ITGA9: variants seen among roughly 807,000 people sequenced by gnomAD.
The protein encoded by ITGA9 is integrin alpha-9.
In ITGA9, 56 loss-of-function variants were observed where a neutral mutation model predicts 127.8. The observed-to-expected ratio is 0.44, with a 90% CI of 0.35 to 0.55. ITGA9 has a LOEUF of 0.55. ITGA9 is among the 20% of genes least tolerant of loss of function. ITGA9 has a pLI of 0.00. For missense variants in ITGA9, 1,196 were observed against 1,347.1 expected (o/e 0.89, Z 1.76); for synonymous variants, 508 against 514.5 (o/e 0.99, Z 0.17).
chr3:37,692,455 TA>T (rs969394999), intron 18 of ITGA9, among the ~76,000 whole-genome samples: 30 of 147,850 alleles, frequency 2.0e-4, no homozygotes, highest in Non-Finnish European at 3.7e-4. Flanking sequence ...CTACATACTG[TA>T]AAAAAAAATA....
At chr3:37,779,840 ATTG>A in intron 24 of ITGA9, 59 bp from the exon 25 acceptor site, 1 of 1,575,028 alleles carries the variant, frequency 6.3e-7, no homozygotes, top group South Asian at 1.1e-5. Context: ...TACTCTGTAA[ATTG>A]TTGTGGATTT....
chr3:37,499,180 A>G lies in ITGA9; in HGVS notation c.613-3998A>G, dbSNP rs535637990. On this transcript the variant is annotated intron_variant, in intron 5 of 27. Coordinates refer to ENST00000264741, the MANE Select transcript of ITGA9 (RefSeq NM_002207.3). ...TTATTTATTTTTGTAGATGAGGCTA[A>G]CAGAGGTAGTAGATACTGCTTAGCA... 3.9e-5 allele frequency among the ~76,000 whole-genome samples: 6 copies of G among 152,372 alleles called. No individual in the cohort carries two copies. In the South Asian group the frequency reaches 1.2e-3, roughly 32 times the overall value.
chr3:37,454,488 A>C (rs1461486818), intron 1 of ITGA9, among the ~76,000 whole-genome samples: 1 of 152,166 alleles, frequency 6.6e-6, no homozygotes, highest in Non-Finnish European at 1.5e-5. Flanking sequence ...AATGCTGTGC[A>C]TATTCTTGTT....
At chr3:37,490,642 G>A (rs1455951556) in intron 4 of ITGA9, among the ~76,000 whole-genome samples, 1 of 152,200 alleles carries the variant, frequency 6.6e-6, no homozygotes, top group African/African-American at 2.4e-5. Flanking sequence ...CACCCGATTG[G>A]TGGTCTGCTT....
intron 14 of ITGA9, 59 bp downstream of exon 14, chr3:37,533,527 A>G: frequency 6.4e-7 from 1 of 1,557,906 alleles, no homozygotes; most frequent in Admixed American, 1.7e-5. Context: ...GGCTAGTGGG[A>G]TATTTCCGAT....
intron 16 of ITGA9, among the ~76,000 whole-genome samples, chr3:37,630,834 G>C (rs1700223897): frequency 6.6e-6 from 1 of 152,214 alleles, no homozygotes. Flanking sequence ...GGCCCTGGGG[G>C]AGTGAGGGAG....
chr3:37,512,477 G>A (rs982230923), intron 8 of ITGA9, among the ~76,000 whole-genome samples: 14 of 151,872 alleles, frequency 9.2e-5, no homozygotes, highest in African/African-American at 3.4e-4. Context: ...CTCCCAAAGT[G>A]CTGGGAGTAC....
intron 16 of ITGA9, among the ~76,000 whole-genome samples, chr3:37,636,205 A>G (rs1700277106): frequency 6.6e-6 from 1 of 152,212 alleles, no homozygotes; most frequent in Non-Finnish European, 1.5e-5. Context: ...AGGAATCGCC[A>G]TATTGACTTC....
intron 22 of ITGA9, among the ~76,000 whole-genome samples, chr3:37,747,902 T>G (rs1230306663): frequency 1.3e-5 from 2 of 151,966 alleles, no homozygotes; most frequent in Non-Finnish European, 2.9e-5. Flanking sequence ...CTAATTTTTT[T>G]TGTGGAGAGG....
intron 8 of ITGA9, among the ~76,000 whole-genome samples, chr3:37,512,116 CCTTCT>C (rs1698928090): frequency 1.5e-5 from 1 of 66,286 alleles, no homozygotes; most frequent in Non-Finnish European, 3.0e-5. Flanking sequence ...TTCCTTCCTT[CCTTCT>C]TTCTTTTCTT....
chr3:37,654,264 G>A (rs1700456384), intron 17 of ITGA9, among the ~76,000 whole-genome samples: 1 of 150,832 alleles, frequency 6.6e-6, no homozygotes, highest in Admixed American at 6.6e-5. Context: ...CATTTCTGTG[G>A]CAGGAGAGGG....
At chr3:37,752,396 C>A (rs1302206676) in intron 23 of ITGA9, among the ~76,000 whole-genome samples, 1 of 152,194 alleles carries the variant, frequency 6.6e-6, no homozygotes. Flanking sequence ...TCCCCACCCC[C>A]ACTCTCAGCC....
intron 17 of ITGA9, among the ~76,000 whole-genome samples, chr3:37,666,645 C>A (rs1187515699): frequency 6.6e-6 from 1 of 152,200 alleles, no homozygotes; most frequent in East Asian, 1.9e-4. Flanking sequence ...GTGCACTAGA[C>A]CTCATGAGGC....
chr3:37,708,184 C>G (rs536333089), intron 18 of ITGA9, among the ~76,000 whole-genome samples: 10 of 152,290 alleles, frequency 6.6e-5, no homozygotes, highest in African/African-American at 2.4e-4. Context: ...AGCTGGAACC[C>G]AAATGTTGTC....
At position 37,506,034 on chromosome 3, in the gene ITGA9, G is replaced by C. The variant is rs145062473; in HGVS notation, c.777G>C (p.Pro259=). ...TGACCGCTGGCCACTTCTCTCACCC[G>C]TCCACCATTGATGTGGTAGGAGGTG... ...YAVTAGHFSH[P]STIDVVGGAP... Residue 259 remains proline (P), a synonymous_variant, in exon 7 of 28, where the codon CCG becomes CCC. Coordinates refer to ENST00000264741, the MANE Select transcript of ITGA9 (RefSeq NM_002207.3). 2 of 1,609,760 alleles carry C rather than the reference G, an allele frequency of 1.2e-6. No individual in the cohort carries two copies. The highest frequency in any genetic ancestry group is 1.7e-6 in the Non-Finnish European group (2 of 1,178,378).
intron 5 of ITGA9, among the ~76,000 whole-genome samples, 171 bp from the exon 6 acceptor site, chr3:37,503,003 AATAG>A (rs1355361140): frequency 6.6e-6 from 1 of 152,220 alleles, no homozygotes; most frequent in Non-Finnish European, 1.5e-5. Context: ...CCGTCTGTAT[AATAG>A]ATTCCATAAT....
At chr3:37,636,265 C>T (rs922271138) in intron 16 of ITGA9, among the ~76,000 whole-genome samples, 8 of 152,212 alleles carry the variant, frequency 5.3e-5, no homozygotes, top group African/African-American at 1.9e-4. Flanking sequence ...AAAAGTCTTC[C>T]TATTTCTCCA....
chr3:37,769,303 A>C (rs1696815279), intron 23 of ITGA9, among the ~76,000 whole-genome samples: 1 of 147,688 alleles, frequency 6.8e-6, no homozygotes, highest in African/African-American at 2.5e-5. Flanking sequence ...GCACCATTGC[A>C]CTCCAGCCTG....
intron 15 of ITGA9, among the ~76,000 whole-genome samples, chr3:37,578,850 T>G (rs771002786): frequency 3.3e-5 from 5 of 151,934 alleles, no homozygotes; most frequent in African/African-American, 4.8e-5. Flanking sequence ...TCCTAAGATG[T>G]TTGCTTCCTA....
Sources: gnomAD v4.1 joint callset for allele counts (sites outside exome capture counted in the v4.1 genomes callset) on GRCh38, gnomAD v4.1.1 for gene constraint, MANE v1.5 for transcripts, NCBI Gene and HGNC (gene_info 2026-07-23, HGNC 2026-07-21) for gene names.